RPS6KB1: variants seen among roughly 807,000 people sequenced by gnomAD.
The protein encoded by RPS6KB1 is ribosomal protein S6 kinase beta-1.
A neutral mutation model predicts 70.2 loss-of-function variants in RPS6KB1; 12 were observed. That is an observed-to-expected ratio of 0.17 (90% CI 0.11 to 0.28). RPS6KB1 has a LOEUF of 0.28. Among genes scored for constraint, RPS6KB1 ranks in the 10% least tolerant of loss-of-function variants. The pLI is 1.00. For missense variants in RPS6KB1, 270 were observed against 646.6 expected, an observed-to-expected ratio of 0.42 and a Z score of 6.32; for synonymous variants, 175 against 211.2, an observed-to-expected ratio of 0.83 and a Z score of 1.49.
chr17:59,933,159 C>T (rs780644934), intron 7 of RPS6KB1, among the ~76,000 whole-genome samples: 7 of 151,630 alleles, frequency 4.6e-5, no homozygotes, highest in Non-Finnish European at 1.0e-4. Flanking sequence ...GTATGAACAA[C>T]TGAGGCTCAT....
rs1598849153 is a variant in RPS6KB1 at position 59,946,856 on chromosome 17, G to A, written c.*68G>A. Reference sequence around the variant, plus strand: ...AGGGAGATGTGTGAGCATCCTGCAAGGTGAAACGACTCAAAATGACAGTTT... The same window carrying A: ...AGGGAGATGTGTGAGCATCCTGCAAAGTGAAACGACTCAAAATGACAGTTT... On this transcript the variant is annotated 3_prime_UTR_variant, in exon 15 of 15. Transcript: ENST00000225577. The surrounding 1 kb of genome is among the most constrained non-coding windows in gnomAD (Gnocchi z 4.2). 6.3e-7 allele frequency: 1 copy of A among 1,579,730 alleles called. No individual in the cohort carries two copies. Among genetic ancestry groups the A allele is most frequent in the East Asian group, 2.3e-5 (1 of 43,496 alleles).
chr17:59,923,760 G>A (rs1404114855), intron 4 of RPS6KB1, among the ~76,000 whole-genome samples: 3 of 151,708 alleles, frequency 2.0e-5, no homozygotes, highest in South Asian at 2.1e-4. Flanking sequence ...TACCTGCCTC[G>A]GCCTCCCAAA....
chr17:59,910,644 G>A, intron 2 of RPS6KB1, 33 bp downstream of exon 2: 2 of 1,420,946 alleles, frequency 1.4e-6, no homozygotes, highest in Non-Finnish European at 9.8e-7. Flanking sequence ...TCATTGTGTT[G>A]TCTTTCTTAC....
At chr17:59,915,111 C>G (rs559961100) in intron 4 of RPS6KB1, among the ~76,000 whole-genome samples, 2 of 151,884 alleles carry the variant, frequency 1.3e-5, no homozygotes, top group African/African-American at 4.8e-5. Context: ...GCCTCAGCCT[C>G]CCGAGTAGCT....
intron 4 of RPS6KB1, among the ~76,000 whole-genome samples, chr17:59,918,008 A>G (rs867576649): frequency 3.5e-4 from 53 of 151,988 alleles, no homozygotes; most frequent in African/African-American, 4.6e-4. Flanking sequence ...ATCTTGGCTC[A>G]CCGCAACCTC....
chr17:59,946,104 CAGA>C lies in RPS6KB1; in HGVS notation c.1341-442_1341-440del, dbSNP rs1306446473. Among the ~76,000 whole-genome samples the C allele has an allele frequency of 1.3e-5, 2 of 151,886 alleles. No individual in the cohort carries two copies. Among genetic ancestry groups the C allele is most frequent in the South Asian group, 2.1e-4 (1 of 4,804 alleles). ...ATAGGAGGTATAAGAATGTTGCAGGCAGAAGAACAGCAAATGCAAAAACCCTGA... is the reference window on the plus strand; with the variant it reads ...ATAGGAGGTATAAGAATGTTGCAGGCAGAACAGCAAATGCAAAAACCCTGA... On this transcript the variant is annotated intron_variant, in intron 14 of 14. Coordinates refer to ENST00000225577, the MANE Select transcript of RPS6KB1 (RefSeq NM_003161.4). This position sits in a 1 kb window ranked among gnomAD's most constrained non-coding sequence, Gnocchi z 4.2.
In RPS6KB1 at chr17:59,949,507, A is replaced by G. The variant is rs984112517; in HGVS notation, c.*2719A>G. 6 of 152,436 alleles carry G rather than the reference A, an allele frequency of 3.9e-5. No individual in the cohort carries two copies. Among genetic ancestry groups the G allele is most frequent in the African/African-American group, 1.2e-4 (5 of 41,414 alleles). The allele number at this position is 152,436 out of a possible 1,614,324, so 9.4% of individuals were successfully genotyped here. A position where few individuals can be genotyped will look rare whatever the true frequency, so the allele number is the denominator to read the frequency against. On this transcript the variant is annotated 3_prime_UTR_variant, in exon 15 of 15. Transcript: ENST00000225577. The stretch of plus-strand genomic sequence containing the variant: ...TTTTATTTTATACATGCTGTTTTTT[A>G]ATTAAAATATAATCACTGAAGTTTA...
At chr17:59,921,723 C>T (rs978195579) in intron 4 of RPS6KB1, among the ~76,000 whole-genome samples, 1 of 152,156 alleles carries the variant, frequency 6.6e-6, no homozygotes, top group African/African-American at 2.4e-5. Flanking sequence ...AGCCATCACC[C>T]GACCCTACCA....
chr17:59,896,225 C>T (rs1433103161), intron 1 of RPS6KB1, among the ~76,000 whole-genome samples: 1 of 151,538 alleles, frequency 6.6e-6, no homozygotes, highest in Non-Finnish European at 1.5e-5. Context: ...CAGAGTCTTG[C>T]TCTATTTGCC....
At chr17:59,938,699 T>TTGTGTGTG (rs58751297) in intron 12 of RPS6KB1, among the ~76,000 whole-genome samples, 2,457 of 138,126 alleles carry the variant, frequency 0.018, 70 homozygotes, top group East Asian at 0.11. Flanking sequence ...AATGTGTAGT[T>TTGTGTGTG]TGTGTGTGTG....
intron 1 of RPS6KB1, among the ~76,000 whole-genome samples, chr17:59,895,777 C>T (rs995716483): frequency 1.3e-5 from 2 of 151,552 alleles, no homozygotes; most frequent in South Asian, 4.2e-4. Context: ...GGACTACAGG[C>T]GCGCACCACC....
intron 5 of RPS6KB1, among the ~76,000 whole-genome samples, chr17:59,929,659 G>C (rs1192169538): frequency 2.0e-5 from 3 of 152,140 alleles, no homozygotes; most frequent in Non-Finnish European, 4.4e-5. Context: ...ATTGTGCCAT[G>C]TTTTTTACTA....
chr17:59,946,746 C>T lies in RPS6KB1; in HGVS notation c.1536C>T (p.Pro512=). 1 of 1,614,018 alleles carries T rather than the reference C, an allele frequency of 6.2e-7. No homozygotes were observed. Among genetic ancestry groups the T allele is most frequent in the Non-Finnish European group, 8.5e-7 (1 of 1,179,940 alleles). The part of the protein sequence containing the change: ...NSGPYKKQAF[P]MISKRPEHLR... ...GGCCATACAAAAAACAAGCTTTTCCCATGATCTCCAAACGGCCAGAGCACC... is the reference window on the plus strand; with the variant it reads ...GGCCATACAAAAAACAAGCTTTTCCTATGATCTCCAAACGGCCAGAGCACC... The change falls in exon 15 of 15, where the codon CCC becomes CCT. Residue 512 remains proline (P), a synonymous_variant. Coordinates refer to ENST00000225577, the MANE Select transcript of RPS6KB1 (RefSeq NM_003161.4). The surrounding 1 kb of genome is among the most constrained non-coding windows in gnomAD (Gnocchi z 4.2).
chr17:59,928,203 C>T (rs1165468182), intron 5 of RPS6KB1, among the ~76,000 whole-genome samples: 1 of 151,860 alleles, frequency 6.6e-6, no homozygotes, highest in Admixed American at 6.6e-5. Flanking sequence ...ATATTTCTCA[C>T]CTAGATTCCC....
chr17:59,938,381 TTTG>T lies in RPS6KB1; in HGVS notation c.1119+1852_1119+1854del, dbSNP rs904750611. Among the ~76,000 whole-genome samples the T allele has an allele frequency of 1.5e-3, 227 of 150,442 alleles. 1 individual carries two copies. Among genetic ancestry groups the T allele is most frequent in the African/African-American group, 5.3e-3 (217 of 41,102 alleles). On this transcript the variant is annotated intron_variant, in intron 12 of 14. Coordinates refer to ENST00000225577, the MANE Select transcript of RPS6KB1 (RefSeq NM_003161.4). ...CCCTGTGTTGCCCCACCTAATTTTT[TTTG>T]TTGTTGTTGTTTTTCCATTTTTTTT...
intron 3 of RPS6KB1, 129 bp downstream of exon 3, chr17:59,912,933 G>A: frequency 1.0e-6 from 1 of 994,654 alleles, no homozygotes; most frequent in Admixed American, 2.2e-5. Flanking sequence ...CCACTTAGCT[G>A]GTATGTTTGA....
At chr17:59,895,825 G>T (rs1202855576) in intron 1 of RPS6KB1, among the ~76,000 whole-genome samples, 1 of 151,952 alleles carries the variant, frequency 6.6e-6, no homozygotes, top group Non-Finnish European at 1.5e-5. Context: ...TAGAGATGGG[G>T]TTTCACCATG....
chr17:59,926,867 A>G (rs1023892043), intron 5 of RPS6KB1, among the ~76,000 whole-genome samples: 3 of 152,164 alleles, frequency 2.0e-5, no homozygotes, highest in African/African-American at 4.8e-5. Context: ...AGAGCCATCA[A>G]ATTGTAGTGG....
chr17:59,949,391 A>G lies in RPS6KB1; in HGVS notation c.*2603A>G, dbSNP rs528493553. ...TCTTGAGTTTCTAAGAGGGTTCTTT[A>G]TGTTATACCAGGTAAGTGTATAAAA... is the stretch of plus-strand genomic sequence containing the variant. On this transcript the variant is annotated 3_prime_UTR_variant, in exon 15 of 15. Coordinates refer to ENST00000225577, the MANE Select transcript of RPS6KB1 (RefSeq NM_003161.4). 1.3e-5 allele frequency: 2 copies of G among 152,708 alleles called. No homozygotes were observed. The highest frequency in any genetic ancestry group is 4.1e-4 in the South Asian group (2 of 4,832). 9.5% of individuals were successfully genotyped at this position (152,708 alleles called of 1,614,324 possible).
Sources: allele counts gnomAD v4.1 joint callset (sites outside exome capture counted in the v4.1 genomes callset), GRCh38; gene constraint gnomAD v4.1.1; non-coding constraint Gnocchi (gnomAD v3.1); transcripts MANE v1.5; gene names NCBI Gene and HGNC (gene_info 2026-07-23, HGNC 2026-07-21).